Variants in ELAPOR2 observed in about 807,000 individuals in gnomAD.
ELAPOR2 encodes endosome-lysosome associated apoptosis and autophagy regulator family member 2.
Under a neutral mutation model 120.7 loss-of-function variants are expected in ELAPOR2, and 89 were observed. The observed-to-expected ratio is 0.74, with a 90% CI of 0.62 to 0.88. The LOEUF is 0.88. Among genes scored for constraint, ELAPOR2 ranks in the 40% least tolerant of loss-of-function variants. The pLI is 0.00. For missense variants in ELAPOR2, 1,134 were observed against 1,251.6 expected (o/e 0.91, Z 1.42); for synonymous variants, 444 against 444.9 (o/e 1.00, Z 0.03).
rs148334007 is a variant in ELAPOR2, at chr7:86,914,086, C to T, written c.1731+637G>A. 5.1e-4 allele frequency among the ~76,000 whole-genome samples: 77 copies of T among 152,280 alleles called. 1 individual carries two copies. The highest frequency in any genetic ancestry group is 1.8e-3 in the African/African-American group (74 of 41,558). On this transcript the variant is annotated intron_variant, in intron 13 of 21. Transcript: ENST00000450689. ...GCCATACATTGCCACCATAGCATTACGGCCACTTTTGAACAAGTGGTTTAT... is the reference window on the plus strand; with the variant it reads ...GCCATACATTGCCACCATAGCATTATGGCCACTTTTGAACAAGTGGTTTAT...
At chr7:87,032,719 C>G (rs890219922) in intron 1 of ELAPOR2, among the ~76,000 whole-genome samples, 2 of 152,098 alleles carry the variant, frequency 1.3e-5, no homozygotes. Context: ...TTCTCCTAAT[C>G]GAGAATCTAA....
intron 1 of ELAPOR2, among the ~76,000 whole-genome samples, chr7:86,985,780 C>T (rs2525531): frequency 0.45 from 67,580 of 151,688 alleles, 18,113 homozygotes; most frequent in African/African-American, 0.76. Flanking sequence ...ACTCATCATT[C>T]AACATTAGGT....
At chr7:86,999,089 T>C (rs1480819952) in intron 1 of ELAPOR2, among the ~76,000 whole-genome samples, 1 of 151,996 alleles carries the variant, frequency 6.6e-6, no homozygotes, top group Admixed American at 6.6e-5. Flanking sequence ...ATACATATTT[T>C]ATAGCTGCAG....
chr7:87,011,355 G>A (rs1281716747), intron 1 of ELAPOR2, among the ~76,000 whole-genome samples: 1 of 151,942 alleles, frequency 6.6e-6, no homozygotes, highest in Non-Finnish European at 1.5e-5. Flanking sequence ...TAATAAAGGA[G>A]AGAACCTTTC....
chr7:86,931,612 C>G (rs1178529720), intron 8 of ELAPOR2, among the ~76,000 whole-genome samples: 1 of 151,784 alleles, frequency 6.6e-6, no homozygotes, highest in Non-Finnish European at 1.5e-5. Flanking sequence ...TACTAAGTCT[C>G]ACTAATTCAA....
intron 10 of ELAPOR2, 78 bp downstream of exon 10, chr7:86,925,450 T>C (rs746555249): frequency 6.2e-6 from 9 of 1,457,460 alleles, no homozygotes; most frequent in Non-Finnish European, 8.6e-6. Flanking sequence ...ATACTTGGTA[T>C]GTTTTAGAGA....
At chr7:87,040,241 G>C (rs191425077) in intron 1 of ELAPOR2, among the ~76,000 whole-genome samples, 20 of 152,340 alleles carry the variant, frequency 1.3e-4, no homozygotes, top group African/African-American at 4.3e-4. Context: ...CAAAGCAGCC[G>C]GAAAGCTCGA....
chr7:86,944,496 GA>G (rs914287847), intron 4 of ELAPOR2, among the ~76,000 whole-genome samples: 26 of 151,722 alleles, frequency 1.7e-4, no homozygotes, highest in African/African-American at 3.9e-4. Context: ...ATTGCAAAGA[GA>G]AAAAAAACTT....
At chr7:86,966,707 C>T (rs1791918116) in intron 1 of ELAPOR2, among the ~76,000 whole-genome samples, 2 of 152,184 alleles carry the variant, frequency 1.3e-5, no homozygotes, top group South Asian at 4.1e-4. Context: ...AATATATTCT[C>T]TCACAGTTCT....
At chr7:87,040,888 C>G (rs1056715166) in intron 1 of ELAPOR2, among the ~76,000 whole-genome samples, 3 of 151,902 alleles carry the variant, frequency 2.0e-5, no homozygotes, top group Non-Finnish European at 2.9e-5. Flanking sequence ...GAATGTATAA[C>G]TAGAATAACC....
chr7:87,014,545 C>T (rs932634671), intron 1 of ELAPOR2, among the ~76,000 whole-genome samples: 1 of 152,190 alleles, frequency 6.6e-6, no homozygotes, highest in South Asian at 2.1e-4. Flanking sequence ...ATGTCAACAC[C>T]ACATCCACTC....
At chr7:86,954,135 C>T (rs1791377176) in intron 2 of ELAPOR2, among the ~76,000 whole-genome samples, 1 of 152,132 alleles carries the variant, frequency 6.6e-6, no homozygotes, top group African/African-American at 2.4e-5. Flanking sequence ...CTCCACCATC[C>T]CCTTCTCCCT....
chr7:87,007,079 T>C (rs1793506493), intron 1 of ELAPOR2, among the ~76,000 whole-genome samples: 1 of 152,194 alleles, frequency 6.6e-6, no homozygotes, highest in Admixed American at 6.6e-5. Context: ...GAGAATTAAC[T>C]GGAAAGAAAA....
rs575959579 is a variant in ELAPOR2, at chr7:87,040,582, A to C, written c.189+18743T>G. ...TCTGTTAGAAGGAAAACTAACAAAC[A>C]GAAAGGACATCCACACCAAAAACCC... On this transcript the variant is annotated intron_variant, in intron 1 of 21. Transcript: ENST00000450689. Among the ~76,000 whole-genome samples, 5 of 152,260 alleles carry C rather than the reference A, an allele frequency of 3.3e-5. No individual in the cohort carries two copies. The East Asian group carries it at 9.7e-4, about 29-fold the overall frequency.
intron 2 of ELAPOR2, among the ~76,000 whole-genome samples, chr7:86,960,274 G>A (rs796288677): frequency 6.6e-5 from 10 of 152,166 alleles, no homozygotes; most frequent in East Asian, 1.9e-4. Flanking sequence ...TTTTTGAGAC[G>A]GAGTCTCACT....
At chr7:87,020,446 G>A (rs1404730285) in intron 1 of ELAPOR2, among the ~76,000 whole-genome samples, 1 of 152,050 alleles carries the variant, frequency 6.6e-6, no homozygotes, top group Admixed American at 6.6e-5. Context: ...TCAGACATAG[G>A]AGTAAAGTAC....
At chr7:86,989,113 T>A (rs988629938) in intron 1 of ELAPOR2, among the ~76,000 whole-genome samples, 2 of 152,182 alleles carry the variant, frequency 1.3e-5, no homozygotes, top group Non-Finnish European at 2.9e-5. Flanking sequence ...AACAAACACA[T>A]GAAGACTAAC....
At chr7:86,890,950 T>C (rs1216380733) in intron 21 of ELAPOR2, among the ~76,000 whole-genome samples, 3 of 120,034 alleles carry the variant, frequency 2.5e-5, no homozygotes, top group Non-Finnish European at 5.5e-5. Flanking sequence ...AGTCATCTTC[T>C]TTCTTCTATT....
At chr7:86,972,084 A>C (rs1792123898) in intron 1 of ELAPOR2, among the ~76,000 whole-genome samples, 1 of 152,148 alleles carries the variant, frequency 6.6e-6, no homozygotes, top group Admixed American at 6.6e-5. Context: ...AATCAAGCCA[A>C]ACCATTTCTT....
Sources: gnomAD v4.1 joint callset for allele counts (sites outside exome capture counted in the v4.1 genomes callset) on GRCh38, gnomAD v4.1.1 for gene constraint, MANE v1.5 for transcripts, NCBI Gene and HGNC (gene_info 2026-07-23, HGNC 2026-07-21) for gene names.